RUVBL2: variants seen among roughly 807,000 people sequenced by gnomAD.
RUVBL2 encodes the protein RuvB like AAA ATPase 2.
Under a neutral mutation model 57.9 loss-of-function variants are expected in RUVBL2, and 9 were observed. That is an observed-to-expected ratio of 0.16 (90% CI 0.09 to 0.27). RUVBL2 has a LOEUF of 0.27. RUVBL2 is among the 10% of genes least tolerant of loss of function. RUVBL2 has a pLI of 1.00. For synonymous variants in RUVBL2, 278 were observed against 264.6 expected (o/e 1.05, Z -0.49); for missense variants, 456 against 669.6 (o/e 0.68, Z 3.52).
rs565739642 is a variant in RUVBL2 at position 49,015,506 on chromosome 19, C to T, written c.1252-66C>T. 1.7e-4 allele frequency: 211 copies of T among 1,212,704 alleles called. 3 individuals carry two copies. In the South Asian group the frequency reaches 2.3e-3, roughly 13 times the overall value. The allele number at this position is 1,212,704 out of a possible 1,614,324, so 75.1% of individuals were successfully genotyped here. ...CTGCCTAGAGCATGGAGGTGGCATA[C>T]GCTGGGGTCTGTGCCTTGAGCCTCA... On this transcript the variant is annotated intron_variant, in intron 13 of 14. Transcript: ENST00000595090.
intron 8 of RUVBL2, 69 bp downstream of exon 8, chr19:49,010,135 C>A: frequency 6.6e-6 from 9 of 1,359,710 alleles, no homozygotes; most frequent in Non-Finnish European, 9.3e-6. Flanking sequence ...CCATCACCCC[C>A]TTGACCCATG....
At chr19:49,004,873 C>T (rs1282266628) in intron 4 of RUVBL2, among the ~76,000 whole-genome samples, 1 of 151,672 alleles carries the variant, frequency 6.6e-6, no homozygotes, top group Non-Finnish European at 1.5e-5. Flanking sequence ...GAGGCTGGCA[C>T]ATTAAATGTT....
rs756464241 is a variant in RUVBL2 at position 49,009,778 on chromosome 19, C to T, written c.465C>T (p.Gly155=). The T allele has an allele frequency of 6.8e-6, 11 of 1,613,882 alleles. No individual in the cohort carries two copies. Among genetic ancestry groups the T allele is most frequent in the Middle Eastern group, 1.6e-4 (1 of 6,062 alleles). Residue 155 remains glycine, a splice_region_variant and synonymous_variant, in exon 7 of 15, where the codon GGC becomes GGT. Coordinates refer to ENST00000595090, the MANE Select transcript of RUVBL2 (RefSeq NM_006666.3). ...IQIDRPATGT[G]SKVGKLTLKT... is the part of the protein sequence containing the mutation. ...CCCTGGCTTGTCCCCACTCTCAGGG[C>T]TCCAAGGTGGGCAAACTGACCCTCA...
intron 1 of RUVBL2, among the ~76,000 whole-genome samples, 170 bp from the exon 2 acceptor site, chr19:48,999,149 C>G (rs2039126290): frequency 6.6e-6 from 1 of 152,154 alleles, no homozygotes; most frequent in South Asian, 2.1e-4. Flanking sequence ...GCTCAACCAA[C>G]CAGCCATTAG....
Position 49,011,451 on chromosome 19 carries a change from C to T in RUVBL2, c.1001+141C>T, listed in dbSNP as rs1019255821. On this transcript the variant is annotated intron_variant, in intron 11 of 14. Coordinates refer to ENST00000595090, the MANE Select transcript of RUVBL2 (RefSeq NM_006666.3). This position sits in a 1 kb window ranked among gnomAD's most constrained non-coding sequence, Gnocchi z 4.4. Reference sequence around the variant, plus strand: ...GTGTGCGCTCTTTGCTTACAAAAGGCGGGTGGGAGGCAGCTCTGCTTCCCG... The same window carrying T: ...GTGTGCGCTCTTTGCTTACAAAAGGTGGGTGGGAGGCAGCTCTGCTTCCCG... 20 of 666,392 alleles carry T rather than the reference C, an allele frequency of 3.0e-5. No homozygotes were observed. Among genetic ancestry groups the T allele is most frequent in the East Asian group, 5.3e-5 (2 of 37,972 alleles). 41.3% of individuals were successfully genotyped at this position (666,392 alleles called of 1,614,324 possible).
intron 6 of RUVBL2, among the ~76,000 whole-genome samples, chr19:49,009,575 A>C (rs151117193): frequency 3.3e-5 from 5 of 152,192 alleles, no homozygotes; most frequent in Admixed American, 6.5e-5. Context: ...TGGGACATAC[A>C]TGTTCAGCCG....
chr19:49,005,042 G>C (rs1401759236), intron 4 of RUVBL2, among the ~76,000 whole-genome samples: 1 of 151,884 alleles, frequency 6.6e-6, no homozygotes, highest in Non-Finnish European at 1.5e-5. Flanking sequence ...GGGTATTGAG[G>C]AGTCACCCAG....
chr19:49,009,879 C>T lies in RUVBL2; in HGVS notation c.566C>T (p.Ala189Val). 6.2e-7 allele frequency: 1 copy of T among 1,613,958 alleles called. No homozygotes were observed. The highest frequency in any genetic ancestry group is 8.5e-7 in the Non-Finnish European group (1 of 1,179,898). ...IESLTKDKVQ[A>V]GDVITIDKAT... is the part of the protein sequence containing the mutation. ...TCCCTGACCAAGGACAAGGTCCAGG[C>T]CGGGTGAGCAGTCAGGGGCCATGCC... The change falls in exon 7 of 15, where the codon GCC (alanine) becomes GTC (valine). Residue 189 changes from alanine to valine, a missense_variant. Ala to Val is a moderately conservative substitution (Grantham distance 64). This residue lies in a region of RUVBL2 where 233 missense variants were observed against 306.0 expected (regional missense o/e 0.76). Transcript: ENST00000595090.
intron 6 of RUVBL2, 115 bp downstream of exon 6, chr19:49,007,483 C>A: frequency 1.1e-6 from 1 of 922,186 alleles, no homozygotes; most frequent in Non-Finnish European, 1.7e-6. Flanking sequence ...TAGCTGCAGA[C>A]TAGAGCCATG....
At chr19:48,996,966 TG>T (rs958290321) in intron 1 of RUVBL2, among the ~76,000 whole-genome samples, 34 of 152,014 alleles carry the variant, frequency 2.2e-4, no homozygotes, top group East Asian at 1.4e-3. Flanking sequence ...CCCAGCCTGT[TG>T]TTTTTTTTTT....
intron 6 of RUVBL2, among the ~76,000 whole-genome samples, chr19:49,008,550 C>T (rs374378335): frequency 1.3e-5 from 2 of 148,964 alleles, no homozygotes; most frequent in East Asian, 2.1e-4. Context: ...TTATTAAGAG[C>T]TTTATTGAGT....
At chr19:49,010,640 T>TGCCCTGCCCC (rs2039400077) in intron 9 of RUVBL2, 29 bp downstream of exon 9, 3 of 1,611,922 alleles carry the variant, frequency 1.9e-6, no homozygotes, top group African/African-American at 1.3e-5. Flanking sequence ...TGCCCTGCCC[T>TGCCCTGCCCC]GCCCTGCCCC....
intron 1 of RUVBL2, among the ~76,000 whole-genome samples, chr19:48,997,653 A>AAAAGAACT (rs1253614061): frequency 6.6e-6 from 1 of 152,036 alleles, no homozygotes; most frequent in African/African-American, 2.4e-5. Context: ...AAGAAAAGAA[A>AAAAGAACT]AAAGAACTCC....
At chr19:49,015,455 G>A in intron 13 of RUVBL2, 117 bp from the exon 14 acceptor site, 1 of 859,960 alleles carries the variant, frequency 1.2e-6, no homozygotes, top group Non-Finnish European at 1.9e-6. Flanking sequence ...GGCCCAGAAT[G>A]CCCTCCCCTC....
chr19:48,996,502 C>CTGTGTGTGTG (rs72341497), intron 1 of RUVBL2, among the ~76,000 whole-genome samples: 2,442 of 138,204 alleles, frequency 0.018, 54 homozygotes, highest in African/African-American at 0.055. Flanking sequence ...ATTTTTGTAT[C>CTGTGTGTGTG]TGTGTGTGTG....
intron 4 of RUVBL2, among the ~76,000 whole-genome samples, chr19:49,006,268 C>T (rs1405492276): frequency 6.6e-6 from 1 of 152,238 alleles, no homozygotes; most frequent in Non-Finnish European, 1.5e-5. Context: ...AGGGCGTGCC[C>T]CACATTGGAC....
rs752279164 is a variant in RUVBL2, at chr19:49,007,381, G to A, written c.462+13G>A. 2.0e-5 allele frequency: 32 copies of A among 1,612,598 alleles called. No individual in the cohort carries two copies. The highest frequency in any genetic ancestry group is 2.5e-5 in the Non-Finnish European group (30 of 1,179,168). ...AGCAACAGGGACGGTGAGTCTGTGT[G>A]AGTCTGTACCCTGCTGAGGCCACCT... On this transcript the variant is annotated intron_variant, in intron 6 of 14. Coordinates refer to ENST00000595090, the MANE Select transcript of RUVBL2 (RefSeq NM_006666.3).
Position 48,997,612 on chromosome 19 carries a change from G to A in RUVBL2, c.13-1707G>A, listed in dbSNP as rs538657106. On this transcript the variant is annotated intron_variant, in intron 1 of 14. Coordinates refer to ENST00000595090, the MANE Select transcript of RUVBL2 (RefSeq NM_006666.3). ...CCATTGCACTCCAGCCTAGGTGACA[G>A]AGTGAGACTATGTCTCAAAAAAAAA... Among the ~76,000 whole-genome samples, 3 of 142,286 alleles carry A rather than the reference G, an allele frequency of 2.1e-5. No homozygotes were observed. In the Admixed American group the frequency reaches 2.1e-4, roughly 10 times the overall value. 93.3% of individuals were successfully genotyped at this position (142,286 alleles called of 152,430 possible).
At chr19:48,999,411 C>T (rs774657025) in intron 2 of RUVBL2, 38 bp downstream of exon 2, 2 of 1,608,246 alleles carry the variant, frequency 1.2e-6, no homozygotes, top group Non-Finnish European at 1.7e-6. Context: ...CTAAGCCCTG[C>T]CTGCCATGTG....
Sources: gnomAD v4.1 joint callset for allele counts (sites outside exome capture counted in the v4.1 genomes callset) on GRCh38, gnomAD v4.1.1 for gene constraint, gnomAD v4.1.1 regional missense constraint, Gnocchi (gnomAD v3.1) non-coding constraint, MANE v1.5 for transcripts, NCBI Gene and HGNC (gene_info 2026-07-23, HGNC 2026-07-21) for gene names.